Variants in CDC14A observed in about 807,000 individuals in gnomAD.
The protein encoded by CDC14A is dual specificity protein phosphatase CDC14A.
Under a neutral mutation model 74.4 loss-of-function variants are expected in CDC14A, and 53 were observed. That is an observed-to-expected ratio of 0.71 (90% CI 0.57 to 0.89). CDC14A has a LOEUF of 0.89. Ranked by LOEUF, CDC14A falls within the 40% of genes least tolerant of loss-of-function variation. The pLI, the probability that CDC14A is intolerant of heterozygous loss-of-function variation, is 0.00. For missense variants in CDC14A, 646 were observed against 713.7 expected (o/e 0.91, Z 1.08); for synonymous variants, 247 against 258.4 (o/e 0.96, Z 0.43).
At chr1:100,493,477 T>C (rs970721560) in intron 11 of CDC14A, among the ~76,000 whole-genome samples, 5 of 152,258 alleles carry the variant, frequency 3.3e-5, no homozygotes, top group Non-Finnish European at 5.9e-5. Flanking sequence ...TCTTGCAGGC[T>C]TCCTTTGATG....
rs1190423845 is a variant in CDC14A, at chr1:100,432,861, A to G, written c.390-7071A>G. On this transcript the variant is annotated intron_variant, in intron 5 of 15. Transcript: ENST00000336454. The stretch of plus-strand genomic sequence containing the variant: ...TTTTTGCTATTGTACATAGCTCATA[A>G]TTAAAGATTGTTCTATATACTTTCT... Among the ~76,000 whole-genome samples, 3 of 152,144 alleles carry G rather than the reference A, an allele frequency of 2.0e-5. No homozygotes were observed. In the East Asian group the frequency reaches 5.8e-4, roughly 29 times the overall value.
chr1:100,480,693 A>C (rs1182104761), intron 10 of CDC14A, among the ~76,000 whole-genome samples: 1 of 152,206 alleles, frequency 6.6e-6, no homozygotes, highest in Non-Finnish European at 1.5e-5. Flanking sequence ...CTCTGAATAA[A>C]ACTATATGAA....
intron 2 of CDC14A, among the ~76,000 whole-genome samples, chr1:100,368,411 C>T (rs998017724): frequency 6.6e-6 from 1 of 152,064 alleles, no homozygotes; most frequent in Non-Finnish European, 1.5e-5. Context: ...TGTAGTATGC[C>T]AATTTTATTT....
intron 3 of CDC14A, among the ~76,000 whole-genome samples, chr1:100,389,670 CA>C (rs1284954351): frequency 6.6e-6 from 1 of 151,710 alleles, no homozygotes; most frequent in African/African-American, 2.4e-5. Context: ...AAGAAAAGTA[CA>C]TAGTTGAGCT....
At chr1:100,409,581 G>C (rs1159760348) in intron 4 of CDC14A, among the ~76,000 whole-genome samples, 1 of 152,158 alleles carries the variant, frequency 6.6e-6, no homozygotes, top group Non-Finnish European at 1.5e-5. Flanking sequence ...ATTCCAAGTG[G>C]AATAAATTTG....
intron 8 of CDC14A, 82 bp from the exon 9 acceptor site, chr1:100,462,569 C>T: frequency 2.8e-6 from 3 of 1,084,712 alleles, no homozygotes; most frequent in Non-Finnish European, 2.8e-6. Flanking sequence ...GATTTATACA[C>T]TTCATTGTTG....
chr1:100,397,764 A>G (rs1395173349), intron 4 of CDC14A, among the ~76,000 whole-genome samples: 1 of 152,194 alleles, frequency 6.6e-6, no homozygotes, highest in African/African-American at 2.4e-5. Context: ...CCCACTTGTT[A>G]AGTCTTTGCA....
chr1:100,369,127 A>G (rs1165908520), intron 2 of CDC14A, among the ~76,000 whole-genome samples: 3 of 146,298 alleles, frequency 2.1e-5, no homozygotes, highest in Non-Finnish European at 4.5e-5. Context: ...GCCAGGCTGG[A>G]GTGCAGTGGC....
intron 10 of CDC14A, among the ~76,000 whole-genome samples, chr1:100,480,319 A>G (rs1308985095): frequency 1.3e-5 from 2 of 152,210 alleles, no homozygotes; most frequent in Non-Finnish European, 2.9e-5. Flanking sequence ...TGTAACATGT[A>G]TCAGAATTTC....
intron 2 of CDC14A, among the ~76,000 whole-genome samples, chr1:100,361,344 G>T (rs967203691): frequency 2.6e-5 from 4 of 152,178 alleles, no homozygotes; most frequent in Non-Finnish European, 5.9e-5. Flanking sequence ...TGCAGTACAG[G>T]ATAATACATG....
chr1:100,403,817 G>C (rs1557721417), intron 4 of CDC14A, among the ~76,000 whole-genome samples: 1 of 152,160 alleles, frequency 6.6e-6, no homozygotes, highest in Non-Finnish European at 1.5e-5. Context: ...GGGCCCTGAG[G>C]AGCCAGCGCT....
chr1:100,486,937 G>A (rs1419526274), intron 11 of CDC14A, among the ~76,000 whole-genome samples: 1 of 152,078 alleles, frequency 6.6e-6, no homozygotes, highest in Non-Finnish European at 1.5e-5. Flanking sequence ...ACATGAATAT[G>A]GAAAATTCGC....
intron 5 of CDC14A, among the ~76,000 whole-genome samples, chr1:100,428,929 C>T (rs191046500): frequency 1.2e-4 from 19 of 152,056 alleles, no homozygotes; most frequent in Non-Finnish European, 2.2e-4. Context: ...ACATATAGGC[C>T]GGGCGCGGTG....
upstream of CDC14A, among the ~76,000 whole-genome samples, chr1:100,352,003 T>TGCGCGCGC (rs370715549): frequency 6.3e-4 from 77 of 122,848 alleles, 1 homozygote; most frequent in East Asian, 0.015. Context: ...TGTGTGTGTG[T>TGCGCGCGC]GCGCGCGCGC....
intron 4 of CDC14A, among the ~76,000 whole-genome samples, chr1:100,408,284 A>G (rs948357948): frequency 6.6e-6 from 1 of 152,220 alleles, no homozygotes; most frequent in South Asian, 2.1e-4. Context: ...TCCATGGTAT[A>G]TATGTACCAC....
chr1:100,506,907 T>TG (rs1649282259), intron 15 of CDC14A, among the ~76,000 whole-genome samples: 1 of 152,184 alleles, frequency 6.6e-6, no homozygotes, highest in Non-Finnish European at 1.5e-5. Flanking sequence ...CTAGGTGCAA[T>TG]GGCTCACACT....
intron 4 of CDC14A, among the ~76,000 whole-genome samples, chr1:100,421,058 A>C (rs1645248575): frequency 6.6e-6 from 1 of 152,144 alleles, no homozygotes; most frequent in Admixed American, 6.5e-5. Flanking sequence ...AAGTAGGGCA[A>C]TTTTATCAAA....
chr1:100,517,038 C>T (rs1367599808), intron 15 of CDC14A, among the ~76,000 whole-genome samples: 1 of 152,180 alleles, frequency 6.6e-6, no homozygotes, highest in Non-Finnish European at 1.5e-5. Flanking sequence ...ATGTCGACAC[C>T]GCTGTCTTTT....
intron 4 of CDC14A, among the ~76,000 whole-genome samples, chr1:100,412,831 T>A (rs543024337): frequency 1.4e-5 from 2 of 143,082 alleles, no homozygotes; most frequent in East Asian, 4.0e-4. Context: ...TACTTTTATT[T>A]AAGCTGTAAT....
Sources: allele counts gnomAD v4.1 joint callset (sites outside exome capture counted in the v4.1 genomes callset), GRCh38; gene constraint gnomAD v4.1.1; transcripts MANE v1.5; gene names NCBI Gene and HGNC (gene_info 2026-07-23, HGNC 2026-07-21).